Variants in ARHGAP32 observed in about 807,000 individuals in gnomAD.
ARHGAP32 encodes rho GTPase-activating protein 32.
A neutral mutation model predicts 186.5 loss-of-function variants in ARHGAP32; 51 were observed. That is an observed-to-expected ratio of 0.27 (90% CI 0.22 to 0.35). The LOEUF (loss-of-function observed/expected upper bound fraction) is 0.35. Ranked by LOEUF, ARHGAP32 falls within the 10% of genes least tolerant of loss-of-function variation. The pLI, the probability that ARHGAP32 is intolerant of heterozygous loss-of-function variation, is 1.00. For synonymous variants in ARHGAP32, 950 were observed against 964.3 expected (o/e 0.99, Z 0.27); for missense variants, 2,186 against 2,623.5 (o/e 0.83, Z 3.64).
intron 7 of ARHGAP32, 80 bp from the exon 8 acceptor site, chr11:129,065,013 A>G (rs529134829): frequency 8.8e-7 from 1 of 1,138,946 alleles, no homozygotes; most frequent in African/African-American, 1.6e-5. Context: ...TTTCTGGAAG[A>G]AAAAAATCTA....
At chr11:129,098,533 C>T (rs1941799828) in intron 5 of ARHGAP32, among the ~76,000 whole-genome samples, 1 of 151,772 alleles carries the variant, frequency 6.6e-6, no homozygotes, top group South Asian at 2.1e-4. Context: ...AATTCTCCTG[C>T]CTCAACCTCC....
intron 1 of ARHGAP32, among the ~76,000 whole-genome samples, chr11:129,275,944 C>T (rs973966695): frequency 7.6e-4 from 116 of 152,342 alleles, no homozygotes; most frequent in Admixed American, 2.6e-4. Flanking sequence ...AAATCATTAA[C>T]TTGTAACCTC....
At chr11:129,025,350 T>C (rs1324164541) in intron 11 of ARHGAP32, among the ~76,000 whole-genome samples, 1 of 152,190 alleles carries the variant, frequency 6.6e-6, no homozygotes, top group Non-Finnish European at 1.5e-5. Flanking sequence ...GCTCTGAACA[T>C]AGAATTGTTG....
intron 2 of ARHGAP32, among the ~76,000 whole-genome samples, chr11:129,130,961 A>C (rs1023373439): frequency 6.6e-6 from 1 of 152,104 alleles, no homozygotes; most frequent in Non-Finnish European, 1.5e-5. Context: ...GAATCAGTGA[A>C]TAAATTATGG....
intron 11 of ARHGAP32, among the ~76,000 whole-genome samples, chr11:129,019,768 C>T (rs1938517592): frequency 6.6e-6 from 1 of 152,028 alleles, no homozygotes; most frequent in African/African-American, 2.4e-5. Flanking sequence ...CATCCTTGAA[C>T]CAATGACCTA....
intron 11 of ARHGAP32, among the ~76,000 whole-genome samples, chr11:129,000,960 C>G (rs1024993384): frequency 1.3e-5 from 2 of 152,140 alleles, no homozygotes; most frequent in Non-Finnish European, 2.9e-5. Flanking sequence ...GACTGAATCT[C>G]ATTATTTTTT....
chr11:129,262,945 G>A (rs1945343729), intron 1 of ARHGAP32, among the ~76,000 whole-genome samples: 1 of 152,094 alleles, frequency 6.6e-6, no homozygotes, highest in Non-Finnish European at 1.5e-5. Flanking sequence ...ATGAGTACTA[G>A]TATATATAGT....
At chr11:129,101,870 T>C (rs1479097857) in intron 5 of ARHGAP32, among the ~76,000 whole-genome samples, 1 of 152,144 alleles carries the variant, frequency 6.6e-6, no homozygotes, top group South Asian at 2.1e-4. Flanking sequence ...AGTAAGATAC[T>C]TCACAAGAAG....
chr11:129,233,404 C>T (rs982767362), intron 1 of ARHGAP32, among the ~76,000 whole-genome samples: 4 of 152,094 alleles, frequency 2.6e-5, no homozygotes, highest in African/African-American at 9.7e-5. Context: ...CAACTCACAG[C>T]AGGCGATACA....
chr11:129,187,148 T>C (rs1944178924), intron 1 of ARHGAP32, among the ~76,000 whole-genome samples: 2 of 152,080 alleles, frequency 1.3e-5, no homozygotes, highest in East Asian at 1.9e-4. Context: ...ATAAAGAAAA[T>C]GTGGTACTTA....
At chr11:129,007,022 AC>A (rs1011025415) in intron 11 of ARHGAP32, among the ~76,000 whole-genome samples, 1 of 152,110 alleles carries the variant, frequency 6.6e-6, no homozygotes, top group Non-Finnish European at 1.5e-5. Flanking sequence ...CCACAGGGCC[AC>A]AGGGAGTACT....
At chr11:129,033,149 G>A (rs1329184903) in intron 11 of ARHGAP32, among the ~76,000 whole-genome samples, 1 of 152,152 alleles carries the variant, frequency 6.6e-6, no homozygotes, top group South Asian at 2.1e-4. Flanking sequence ...GGAATTTACT[G>A]TATATATCTT....
At chr11:129,133,746 A>G (rs1343166636) in intron 2 of ARHGAP32, among the ~76,000 whole-genome samples, 2 of 152,218 alleles carry the variant, frequency 1.3e-5, no homozygotes, top group Non-Finnish European at 2.9e-5. Flanking sequence ...GATAGGCTCT[A>G]AAAGAAATGC....
At chr11:129,166,664 T>C (rs1306921048) in intron 1 of ARHGAP32, among the ~76,000 whole-genome samples, 1 of 151,118 alleles carries the variant, frequency 6.6e-6, no homozygotes, top group South Asian at 2.1e-4. Context: ...AGTAACCATT[T>C]TGAAAGCAGG....
intron 11 of ARHGAP32, among the ~76,000 whole-genome samples, chr11:129,037,292 T>A (rs924971031): frequency 3.3e-5 from 5 of 151,528 alleles, no homozygotes; most frequent in Non-Finnish European, 5.9e-5. Flanking sequence ...AGGCCAGGAG[T>A]TCAGGACCAG....
chr11:129,088,471 T>G (rs1243247242), intron 6 of ARHGAP32, among the ~76,000 whole-genome samples: 1 of 152,034 alleles, frequency 6.6e-6, no homozygotes, highest in Non-Finnish European at 1.5e-5. Flanking sequence ...TCTCAGATAC[T>G]CGGGAGGCTG....
intron 2 of ARHGAP32, among the ~76,000 whole-genome samples, chr11:129,136,190 C>A (rs747545338): frequency 6.6e-6 from 1 of 152,114 alleles, no homozygotes; most frequent in Non-Finnish European, 1.5e-5. Flanking sequence ...AAGAGGATAT[C>A]TCAAGGGTCA....
At chr11:129,134,235 C>A (rs1942887560) in intron 2 of ARHGAP32, among the ~76,000 whole-genome samples, 1 of 151,640 alleles carries the variant, frequency 6.6e-6, no homozygotes, top group African/African-American at 2.4e-5. Context: ...GCGAGAACAT[C>A]CTTAATGTGA....
intron 22 of ARHGAP32, 70 bp downstream of exon 22, chr11:128,972,383 C>T (rs1945402372): frequency 1.4e-6 from 2 of 1,461,740 alleles, no homozygotes; most frequent in African/African-American, 1.4e-5. Flanking sequence ...GATAACAACA[C>T]ACCCTGCTGA....
Sources: gnomAD v4.1 joint callset for allele counts (sites outside exome capture counted in the v4.1 genomes callset) on GRCh38, gnomAD v4.1.1 for gene constraint, MANE v1.5 for transcripts, NCBI Gene and HGNC (gene_info 2026-07-23, HGNC 2026-07-21) for gene names.